The following ZNF638 variants were observed in gnomAD, a reference collection of about 807,000 sequenced individuals.
ZNF638 encodes the protein CTCL tumor antigen se33-1.
ZNF638 carries 46 observed loss-of-function variants against 195.6 expected under a neutral mutation model. That is an observed-to-expected ratio of 0.24 (90% CI 0.19 to 0.30). The LOEUF (loss-of-function observed/expected upper bound fraction) is 0.30, where lower values mean the gene tolerates loss of function less well. Among genes scored for constraint, ZNF638 ranks in the 10% least tolerant of loss-of-function variants. The pLI is 1.00. For missense variants in ZNF638, 2,440 were observed against 2,325.3 expected (o/e 1.05, Z -1.01); for synonymous variants, 845 against 772.0 (o/e 1.09, Z -1.57).
chr2:71,397,676 C>G (rs1365418011), intron 11 of ZNF638, among the ~76,000 whole-genome samples: 1 of 152,152 alleles, frequency 6.6e-6, no homozygotes, highest in East Asian at 1.9e-4. Context: ...GGGCTTTTTC[C>G]TCATCCATTC....
intron 2 of ZNF638, 88 bp downstream of exon 2, chr2:71,350,359 G>C: frequency 1.5e-6 from 2 of 1,317,794 alleles, no homozygotes; most frequent in Non-Finnish European, 2.1e-6. Context: ...TTGTTAACTA[G>C]GCGTTAAGGA....
intron 8 of ZNF638, among the ~76,000 whole-genome samples, chr2:71,373,483 C>T (rs1357081173): frequency 2.7e-5 from 3 of 113,196 alleles, no homozygotes; most frequent in Non-Finnish European, 4.9e-5. Context: ...CTCTCTCTGT[C>T]GCCCAGGCTG....
chr2:71,331,863 C>G lies in ZNF638; in HGVS notation c.-215C>G, dbSNP rs1558820899. 2.0e-6 allele frequency: 2 copies of G among 986,212 alleles called. No homozygotes were observed. The highest frequency in any genetic ancestry group is 1.2e-6 in the Non-Finnish European group (1 of 830,344). The allele number at this position is 986,212 out of a possible 1,614,324, so 61.1% of individuals were successfully genotyped here. ...GCGCGGATGGGATCCAGCTGTTAGT[C>G]GGGTAGGCATAGGTAGGACCGCTGC... On this transcript the variant is annotated 5_prime_UTR_variant, in exon 1 of 28. Transcript: ENST00000264447.
chr2:71,393,472 G>T (rs771620705), intron 10 of ZNF638: 1 of 717,960 alleles, frequency 1.4e-6, no homozygotes, highest in Non-Finnish European at 2.6e-6. Flanking sequence ...AGAAGTGAAG[G>T]AAATGATCCT....
At chr2:71,337,980 TGATTA>T (rs926174058) in intron 1 of ZNF638, among the ~76,000 whole-genome samples, 1 of 152,236 alleles carries the variant, frequency 6.6e-6, no homozygotes, top group African/African-American at 2.4e-5. Context: ...TGTTTCCTCT[TGATTA>T]GATGTAGATT....
chr2:71,373,706 C>T (rs2079363291), intron 8 of ZNF638, among the ~76,000 whole-genome samples: 1 of 151,968 alleles, frequency 6.6e-6, no homozygotes, highest in Non-Finnish European at 1.5e-5. Context: ...GCGTGAGCCA[C>T]CTCGCCCGGC....
chr2:71,412,658 G>T (rs1432661460), intron 20 of ZNF638, among the ~76,000 whole-genome samples: 2 of 96,612 alleles, frequency 2.1e-5, no homozygotes, highest in South Asian at 4.4e-4. Flanking sequence ...TTTGTATAAG[G>T]TGTAAGGAAG....
At chr2:71,348,151 A>G (rs890230849) in intron 1 of ZNF638, among the ~76,000 whole-genome samples, 12 of 152,366 alleles carry the variant, frequency 7.9e-5, no homozygotes, top group Middle Eastern at 6.8e-3. Flanking sequence ...ATTCCATGCC[A>G]TTGCATACTG....
chr2:71,419,428 T>C (rs917184882), intron 21 of ZNF638, among the ~76,000 whole-genome samples: 2 of 152,242 alleles, frequency 1.3e-5, no homozygotes, highest in Non-Finnish European at 2.9e-5. Flanking sequence ...AAGTGTTTAT[T>C]TTATCTGATG....
intron 10 of ZNF638, among the ~76,000 whole-genome samples, chr2:71,387,995 T>C (rs556204866): frequency 6.6e-6 from 1 of 152,132 alleles, no homozygotes; most frequent in African/African-American, 2.4e-5. Flanking sequence ...TTTAAACATA[T>C]GAAGACGGAT....
At chr2:71,347,439 T>C (rs1393276443) in intron 1 of ZNF638, among the ~76,000 whole-genome samples, 2 of 152,198 alleles carry the variant, frequency 1.3e-5, no homozygotes, top group African/African-American at 2.4e-5. Context: ...ACTAACATTA[T>C]ATATAAATAG....
intron 21 of ZNF638, among the ~76,000 whole-genome samples, chr2:71,422,175 A>G (rs2080446508): frequency 6.6e-6 from 1 of 152,170 alleles, no homozygotes; most frequent in Non-Finnish European, 1.5e-5. Context: ...AGGTGATTAT[A>G]TCAGGTTTTG....
intron 12 of ZNF638, 115 bp downstream of exon 12, chr2:71,398,887 T>A (rs2079947958): frequency 1.1e-6 from 1 of 944,500 alleles, no homozygotes; most frequent in Non-Finnish European, 1.6e-6. Flanking sequence ...TTCCTTGATA[T>A]TTAAAACCTG....
At chr2:71,352,827 A>T (rs1159871269) in intron 2 of ZNF638, among the ~76,000 whole-genome samples, 8 of 152,212 alleles carry the variant, frequency 5.3e-5, no homozygotes, top group African/African-American at 1.9e-4. Context: ...TTCAAGTATA[A>T]GATGGTAAAA....
At chr2:71,390,955 C>A (rs1034840402) in intron 10 of ZNF638, among the ~76,000 whole-genome samples, 4 of 152,202 alleles carry the variant, frequency 2.6e-5, no homozygotes, top group African/African-American at 7.2e-5. Flanking sequence ...AAACCCCTTT[C>A]TAATAATGGC....
At chr2:71,396,758 A>G (rs561921721) in intron 11 of ZNF638, among the ~76,000 whole-genome samples, 5 of 152,268 alleles carry the variant, frequency 3.3e-5, no homozygotes, top group African/African-American at 1.2e-4. Flanking sequence ...AGCTTGGCCA[A>G]CGAGGTGAAA....
Position 71,408,265 on chromosome 2 carries a change from T to C in ZNF638, c.3261+18T>C. ...TACCAGAGGTAAGATTTATCTTTCT[T>C]CAGCTTTTGTGATTTTAGAAAATAC... is the stretch of plus-strand genomic sequence containing the variant. On this transcript the variant is annotated intron_variant, in intron 20 of 27. Transcript: ENST00000264447. 1 of 1,603,576 alleles carries C rather than the reference T, an allele frequency of 6.2e-7. No homozygotes were observed. The highest frequency in any genetic ancestry group is 8.5e-7 in the Non-Finnish European group (1 of 1,176,620).
intron 3 of ZNF638, among the ~76,000 whole-genome samples, chr2:71,357,705 A>C (rs953052706): frequency 1.3e-5 from 2 of 152,162 alleles, no homozygotes; most frequent in Non-Finnish European, 2.9e-5. Context: ...CCTGATTTAA[A>C]GCATTTGCTT....
chr2:71,393,083 C>A (rs566752805), intron 10 of ZNF638, among the ~76,000 whole-genome samples: 2 of 152,340 alleles, frequency 1.3e-5, no homozygotes, highest in African/African-American at 4.8e-5. Context: ...ATCCAACATT[C>A]CACAGGCATC....
Sources: gnomAD v4.1 joint callset for allele counts (sites outside exome capture counted in the v4.1 genomes callset) on GRCh38, gnomAD v4.1.1 for gene constraint, MANE v1.5 for transcripts, NCBI Gene and HGNC (gene_info 2026-07-23, HGNC 2026-07-21) for gene names.